TACC2: variants seen among roughly 807,000 people sequenced by gnomAD.
TACC2 encodes transforming acidic coiled-coil-containing protein 2.
A neutral mutation model predicts 227.3 loss-of-function variants in TACC2; 137 were observed. The ratio of observed to expected loss-of-function variants is 0.60; its 90% CI spans 0.52 to 0.69. TACC2 has a LOEUF of 0.69. Among genes scored for constraint, TACC2 ranks in the 30% least tolerant of loss-of-function variants. The pLI is 0.00. For missense variants in TACC2, 3,470 were observed against 3,694.4 expected, an observed-to-expected ratio of 0.94 and a Z score of 1.57; for synonymous variants, 1,523 against 1,487.5, an observed-to-expected ratio of 1.02 and a Z score of -0.55.
At chr10:122,109,387 C>T (rs774579805) in intron 5 of TACC2, among the ~76,000 whole-genome samples, 15 of 152,088 alleles carry the variant, frequency 9.9e-5, no homozygotes, top group Non-Finnish European at 7.3e-5. Context: ...TTTCTGAACC[C>T]CTTTCCTGAC....
intron 5 of TACC2, among the ~76,000 whole-genome samples, chr10:122,121,093 A>T (rs565046863): frequency 6.6e-6 from 1 of 152,250 alleles, no homozygotes; most frequent in African/African-American, 2.4e-5. Flanking sequence ...CCCAGTTGAT[A>T]TTCACATAGA....
intron 8 of TACC2, among the ~76,000 whole-genome samples, chr10:122,203,482 G>A (rs1257262535): frequency 6.6e-6 from 1 of 151,864 alleles, no homozygotes; most frequent in Non-Finnish European, 1.5e-5. Context: ...CTTCCCAGAC[G>A]GGGCGGCTGC....
At chr10:122,130,163 T>C (rs140118655) in intron 5 of TACC2, among the ~76,000 whole-genome samples, 4,110 of 152,178 alleles carry the variant, frequency 0.027, 187 homozygotes, top group African/African-American at 0.092. Context: ...GCACAGCTAA[T>C]TTTTGTATTT....
intron 5 of TACC2, among the ~76,000 whole-genome samples, chr10:122,130,805 C>A (rs1240032537): frequency 2.6e-5 from 4 of 152,144 alleles, no homozygotes; most frequent in Non-Finnish European, 5.9e-5. Context: ...AAATACAGTG[C>A]CATCTATACG....
At position 122,086,965 on chromosome 10, in the gene TACC2, C is replaced by T. The variant is rs775971633; in HGVS notation, c.4465C>T (p.Leu1489=). 6.2e-7 allele frequency: 1 copy of T among 1,613,988 alleles called. No homozygotes were observed. ...AGEAEISHLA[L]QDPASDKLLG... The stretch of plus-strand genomic sequence containing the variant: ...AGAGGCTGAGATTTCCCATCTGGCT[C>T]TGCAAGATCCAGCTTCAGACAAGCT... The change falls in exon 4 of 23, where the codon CTG becomes TTG. Residue 1489 remains leucine (L), a synonymous_variant. Transcript: ENST00000369005.
At chr10:122,163,207 T>TCCCGCTG (rs2092926479) in intron 7 of TACC2, among the ~76,000 whole-genome samples, 1 of 152,048 alleles carries the variant, frequency 6.6e-6, no homozygotes, top group Non-Finnish European at 1.5e-5. Flanking sequence ...CCAGCGTCGC[T>TCCCGCTG]CCCGCTGCCC....
chr10:122,035,436 A>G (rs1959968200), intron 2 of TACC2, among the ~76,000 whole-genome samples: 1 of 152,160 alleles, frequency 6.6e-6, no homozygotes, highest in African/African-American at 2.4e-5. Flanking sequence ...TTAAATGTGT[A>G]TTGTTTACCA....
chr10:122,007,679 G>A (rs374185683), intron 1 of TACC2, among the ~76,000 whole-genome samples: 1 of 152,086 alleles, frequency 6.6e-6, no homozygotes, highest in African/African-American at 2.4e-5. Context: ...TTTATTTTGT[G>A]ATGCTCTTTT....
chr10:122,050,318 G>A lies in TACC2; in HGVS notation c.34-120G>A, dbSNP rs2136194786. The A allele has an allele frequency of 6.7e-6, 5 of 744,994 alleles. No individual in the cohort carries two copies. In the East Asian group the frequency reaches 1.1e-4, roughly 16 times the overall value. 46.1% of individuals were successfully genotyped at this position (744,994 alleles called of 1,614,324 possible). A position where few individuals can be genotyped will look rare whatever the true frequency, so the allele number is the denominator to read the frequency against. On this transcript the variant is annotated intron_variant, in intron 2 of 22. Coordinates refer to ENST00000369005, the MANE Select transcript of TACC2 (RefSeq NM_206862.4). This position sits in a 1 kb window ranked among gnomAD's most constrained non-coding sequence, Gnocchi z 4.6. Reference sequence around the variant, plus strand: ...CACATAGTAGGTGTTTCGTTGGACGGCAGAGCAAGTGAACAACCTTACCTT... The same window carrying A: ...CACATAGTAGGTGTTTCGTTGGACGACAGAGCAAGTGAACAACCTTACCTT...
intron 1 of TACC2, among the ~76,000 whole-genome samples, chr10:122,016,566 T>TA (rs35641018): frequency 0.23 from 31,516 of 134,846 alleles, 3,747 homozygotes; most frequent in East Asian, 0.3. Context: ...GACTCTGTCT[T>TA]AAAAAAAAAA....
At chr10:122,095,969 T>C (rs561886135) in intron 5 of TACC2, among the ~76,000 whole-genome samples, 43 of 152,354 alleles carry the variant, frequency 2.8e-4, no homozygotes, top group Middle Eastern at 6.8e-3. Flanking sequence ...CACTGTGTCT[T>C]TGCATTACGT....
In TACC2 at chr10:122,229,224, A is replaced by G. The variant is rs544799720; in HGVS notation, c.7897-122A>G. The G allele has an allele frequency of 4.4e-4, 474 of 1,078,450 alleles. 1 individual carries two copies. Among genetic ancestry groups the G allele is most frequent in the South Asian group, 2.5e-3 (171 of 68,196 alleles). The allele number at this position is 1,078,450 out of a possible 1,614,324, so 66.8% of individuals were successfully genotyped here. The stretch of plus-strand genomic sequence containing the variant: ...CCACAAGTAATGGCAGCTAATTGAT[A>G]CTCTCTTTAGCCTCAAGGCAAAAAT... On this transcript the variant is annotated intron_variant, in intron 14 of 22. Transcript: ENST00000369005.
rs1430068019 is a variant in TACC2 at position 122,180,648 on chromosome 10, A to G, written c.5835-14392A>G. On this transcript the variant is annotated intron_variant, in intron 7 of 22. Transcript: ENST00000369005. The surrounding 1 kb of genome is among the most constrained non-coding windows in gnomAD (Gnocchi z 4.5). The stretch of plus-strand genomic sequence containing the variant: ...CCACCGCACCCGGCCTCTTCCCTCG[A>G]GTTCTAATGACTGACTCTTTTTTCA... 6.6e-6 allele frequency among the ~76,000 whole-genome samples: 1 copy of G among 151,922 alleles called. No homozygotes were observed. Among genetic ancestry groups the G allele is most frequent in the Non-Finnish European group, 1.5e-5 (1 of 67,998 alleles).
At chr10:122,012,924 T>G (rs538367987) in intron 1 of TACC2, among the ~76,000 whole-genome samples, 1 of 152,074 alleles carries the variant, frequency 6.6e-6, no homozygotes, top group Non-Finnish European at 1.5e-5. Context: ...GTGCTGCTCA[T>G]AGAAACAAGA....
At position 122,007,053 on chromosome 10, in the gene TACC2, G is replaced by A. The variant is rs868085650; in HGVS notation, c.-45-14884G>A. Among the ~76,000 whole-genome samples, 6 of 151,732 alleles carry A rather than the reference G, an allele frequency of 4.0e-5. No homozygotes were observed. The South Asian group carries it at 8.3e-4, about 21-fold the overall frequency. ...ATTTTTGTATTTTTAGTAGAGACAG[G>A]GTTTCTCCATGTTGGTCAGGCTGGT... On this transcript the variant is annotated intron_variant, in intron 1 of 22. Coordinates refer to ENST00000369005, the MANE Select transcript of TACC2 (RefSeq NM_206862.4).
chr10:122,072,402 C>G (rs2078185070), intron 3 of TACC2, among the ~76,000 whole-genome samples: 1 of 152,192 alleles, frequency 6.6e-6, no homozygotes, highest in Non-Finnish European at 1.5e-5. Context: ...AATACAAAGC[C>G]AAGTCTGGCT....
rs566542307 is a variant in TACC2 at position 122,172,586 on chromosome 10, G to T, written c.5835-22454G>T. ...TCCCTCCAGGAAGAAGGCGGGAGAG[G>T]TTGGCTTTATTAACTTTACTTTAGG... is the stretch of plus-strand genomic sequence containing the variant. On this transcript the variant is annotated intron_variant, in intron 7 of 22. Transcript: ENST00000369005. 3.0e-4 allele frequency among the ~76,000 whole-genome samples: 46 copies of T among 152,332 alleles called. 1 individual carries two copies. The South Asian group carries it at 5.8e-3, about 19-fold the overall frequency.
chr10:122,218,945 C>T lies in TACC2; in HGVS notation c.7546+2117C>T, dbSNP rs192147884. Among the ~76,000 whole-genome samples, 5 of 147,782 alleles carry T rather than the reference C, an allele frequency of 3.4e-5. No homozygotes were observed. In the East Asian group the frequency reaches 1.0e-3, roughly 30 times the overall value. ...GCTGAGGCGGGAGGATTGCTTGAGC[C>T]CAGGTGACAGAGGTTGCAGTGAGCT... On this transcript the variant is annotated intron_variant, in intron 11 of 22. Transcript: ENST00000369005.
intron 5 of TACC2, among the ~76,000 whole-genome samples, chr10:122,103,437 T>C (rs2420994): frequency 0.63 from 96,105 of 152,114 alleles, 31,451 homozygotes; most frequent in East Asian, 0.79. Flanking sequence ...AGAGAAGAGA[T>C]GGGAGCCACT....
Sources: allele counts gnomAD v4.1 joint callset (sites outside exome capture counted in the v4.1 genomes callset), GRCh38; gene constraint gnomAD v4.1.1; non-coding constraint Gnocchi (gnomAD v3.1); transcripts MANE v1.5; gene names NCBI Gene and HGNC (gene_info 2026-07-23, HGNC 2026-07-21).